KIF13A: variants seen among roughly 807,000 people sequenced by gnomAD.
The protein encoded by KIF13A is kinesin family member 13A.
In KIF13A, 79 loss-of-function variants were observed where a neutral mutation model predicts 212.2. The observed-to-expected ratio is 0.37, with a 90% CI of 0.31 to 0.45. KIF13A has a LOEUF of 0.45. Among genes scored for constraint, KIF13A ranks in the 20% least tolerant of loss-of-function variants. The pLI is 1.00. For missense variants in KIF13A, 1,901 were observed against 2,209.0 expected (o/e 0.86, Z 2.79); for synonymous variants, 789 against 808.6 (o/e 0.98, Z 0.41).
chr6:17,863,422 T>C (rs9297049), intron 4 of KIF13A, among the ~76,000 whole-genome samples: 5,205 of 150,854 alleles, frequency 0.035, 311 homozygotes, highest in African/African-American at 0.12. Context: ...AAAAACCCAA[T>C]ATAAAAAACT....
chr6:17,851,221 G>A (rs1043083286), intron 7 of KIF13A, among the ~76,000 whole-genome samples: 3 of 152,102 alleles, frequency 2.0e-5, no homozygotes, highest in South Asian at 2.1e-4. Context: ...CTCTATTTCC[G>A]ATTAGAGCAA....
In KIF13A at chr6:17,776,789, A is replaced by G. The variant is rs893959650; in HGVS notation, c.4170+488T>C. Among the ~76,000 whole-genome samples, 2 of 152,140 alleles carry G rather than the reference A, an allele frequency of 1.3e-5. No homozygotes were observed. Among genetic ancestry groups the G allele is most frequent in the African/African-American group, 4.8e-5 (2 of 41,440 alleles). ...CCCCTGCTAGGATCAGTTTCTGTCA[A>G]TTGGATTTTCTAGATTAACTGGTTG... is the stretch of plus-strand genomic sequence containing the variant. On this transcript the variant is annotated intron_variant, in intron 34 of 38. Coordinates refer to ENST00000259711, the MANE Select transcript of KIF13A (RefSeq NM_022113.6). This position sits in a 1 kb window ranked among gnomAD's most constrained non-coding sequence, Gnocchi z 4.6.
chr6:17,802,923 G>GTTTTTTTT (rs57190220), intron 20 of KIF13A, among the ~76,000 whole-genome samples: 3 of 135,710 alleles, frequency 2.2e-5, no homozygotes, highest in African/African-American at 7.8e-5. Flanking sequence ...ATTTTTTTGT[G>GTTTTTTTT]TTTTTTTTGT....
At chr6:17,931,365 A>G (rs1775970440) in intron 2 of KIF13A, among the ~76,000 whole-genome samples, 1 of 152,164 alleles carries the variant, frequency 6.6e-6, no homozygotes, top group Non-Finnish European at 1.5e-5. Flanking sequence ...AAGAGAAGTG[A>G]TGTGGCATAA....
In KIF13A at chr6:17,863,454, G is replaced by A. The variant is rs137905827; in HGVS notation, c.221-7332C>T. On this transcript the variant is annotated intron_variant, in intron 4 of 38. Transcript: ENST00000259711. The stretch of plus-strand genomic sequence containing the variant: ...AACTATATCAGCAAAACTGTGAGTG[G>A]GACAGGTTCTAGAGTTCCCCTTATT... Among the ~76,000 whole-genome samples, 187 of 151,994 alleles carry A rather than the reference G, an allele frequency of 1.2e-3. 1 individual carries two copies. The highest frequency in any genetic ancestry group is 4.2e-3 in the South Asian group (20 of 4,816).
In KIF13A at chr6:17,843,417, T is replaced by C. The variant is rs1766712218; in HGVS notation, c.831-5834A>G. ...ACAGTTCTGGCCAAGGAGATGTAGG[T>C]AAACATTACTGGGTGGGGCTTCCAA... On this transcript the variant is annotated intron_variant, in intron 9 of 38. Transcript: ENST00000259711. This position sits in a 1 kb window ranked among gnomAD's most constrained non-coding sequence, Gnocchi z 5.3. 6.6e-6 allele frequency among the ~76,000 whole-genome samples: 1 copy of C among 152,228 alleles called. No homozygotes were observed. The highest frequency in any genetic ancestry group is 2.4e-5 in the African/African-American group (1 of 41,472).
Position 17,777,174 on chromosome 6 carries a change from C to T in KIF13A, c.4170+103G>A. 1.1e-6 allele frequency: 1 copy of T among 880,526 alleles called. No homozygotes were observed. Among genetic ancestry groups the T allele is most frequent in the Non-Finnish European group, 1.9e-6 (1 of 536,592 alleles). The allele number at this position is 880,526 out of a possible 1,614,324, so 54.5% of individuals were successfully genotyped here. ...CAGGCTACACTTTGGGATGCCCACACCAGTTCCATAAGCTCTACTGCCACT... is the reference window on the plus strand; with the variant it reads ...CAGGCTACACTTTGGGATGCCCACATCAGTTCCATAAGCTCTACTGCCACT... On this transcript the variant is annotated intron_variant, in intron 34 of 38. Coordinates refer to ENST00000259711, the MANE Select transcript of KIF13A (RefSeq NM_022113.6). The surrounding 1 kb of genome is among the most constrained non-coding windows in gnomAD (Gnocchi z 4.4).
chr6:17,869,020 A>AAAAAAAAAAAAAC (rs1769736972), intron 4 of KIF13A, among the ~76,000 whole-genome samples: 1 of 124,040 alleles, frequency 8.1e-6, no homozygotes, highest in African/African-American at 2.9e-5. Flanking sequence ...AAAAAAAAAA[A>AAAAAAAAAAAAAC]CACAAATAAA....
chr6:17,775,179 T>A (rs1246878161), intron 34 of KIF13A, 117 bp from the exon 35 acceptor site: 1 of 743,172 alleles, frequency 1.3e-6, no homozygotes, highest in East Asian at 2.9e-5. Context: ...CTTCTCCTCC[T>A]CTTTCTTCCC....
chr6:17,859,776 C>T (rs1768553821), intron 4 of KIF13A, among the ~76,000 whole-genome samples: 1 of 150,996 alleles, frequency 6.6e-6, no homozygotes, highest in East Asian at 2.0e-4. Flanking sequence ...GCTGGGATTA[C>T]AGGTATGCAA....
At chr6:17,841,089 T>C (rs901765116) in intron 9 of KIF13A, among the ~76,000 whole-genome samples, 4 of 134,620 alleles carry the variant, frequency 3.0e-5, no homozygotes, top group Non-Finnish European at 6.6e-5. Flanking sequence ...CTTTTTTTTT[T>C]TTTTTTCCAA....
At position 17,773,145 on chromosome 6, in the gene KIF13A, T is replaced by A. The variant is rs1759640877; in HGVS notation, c.4324+333A>T. ...AAAAATTCCTTTGAGTACACAAATATGACAGAGCTGGATATTCTGGTAGAA... is the reference window on the plus strand; with the variant it reads ...AAAAATTCCTTTGAGTACACAAATAAGACAGAGCTGGATATTCTGGTAGAA... On this transcript the variant is annotated intron_variant, in intron 36 of 38. Coordinates refer to ENST00000259711, the MANE Select transcript of KIF13A (RefSeq NM_022113.6). This position sits in a 1 kb window ranked among gnomAD's most constrained non-coding sequence, Gnocchi z 4.2. Among the ~76,000 whole-genome samples the A allele has an allele frequency of 6.6e-6, 1 of 152,220 alleles. No individual in the cohort carries two copies. The highest frequency in any genetic ancestry group is 1.5e-5 in the Non-Finnish European group (1 of 68,032).
intron 17 of KIF13A, among the ~76,000 whole-genome samples, chr6:17,814,961 C>T (rs1026882387): frequency 6.6e-6 from 1 of 152,166 alleles, no homozygotes; most frequent in Non-Finnish European, 1.5e-5. Flanking sequence ...GGGACCACTA[C>T]CACCTAGACG....
At chr6:17,824,355 C>CT (rs779835395) in intron 16 of KIF13A, among the ~76,000 whole-genome samples, 89 of 152,352 alleles carry the variant, frequency 5.8e-4, no homozygotes, top group South Asian at 1.0e-3. Context: ...TCACCATGTG[C>CT]TTGCCTTGGC....
In KIF13A at chr6:17,849,349, C is replaced by A. The variant is rs1252312013; in HGVS notation, c.830+28G>T. 4.0e-6 allele frequency: 6 copies of A among 1,496,158 alleles called. No homozygotes were observed. The highest frequency in any genetic ancestry group is 5.6e-6 in the Non-Finnish European group (6 of 1,078,974). The allele number at this position is 1,496,158 out of a possible 1,614,324, so 92.7% of individuals were successfully genotyped here. Reference sequence around the variant, plus strand: ...AAATCCCCTCCAGAAGGAAATCACCCAGGCTGTTCTGGGACCAGCCACCTT... The same window carrying A: ...AAATCCCCTCCAGAAGGAAATCACCAAGGCTGTTCTGGGACCAGCCACCTT... On this transcript the variant is annotated intron_variant, in intron 9 of 38. Transcript: ENST00000259711. This position sits in a 1 kb window ranked among gnomAD's most constrained non-coding sequence, Gnocchi z 5.7.
chr6:17,876,125 C>T (rs1171529172), intron 3 of KIF13A, among the ~76,000 whole-genome samples: 1 of 152,194 alleles, frequency 6.6e-6, no homozygotes, highest in East Asian at 1.9e-4. Flanking sequence ...TTAGCAAATG[C>T]AGCCCAGGTG....
At chr6:17,762,115 G>T (rs76455358), downstream of KIF13A, among the ~76,000 whole-genome samples, 535 of 152,082 alleles carry the variant, frequency 3.5e-3, 2 homozygotes, top group African/African-American at 0.012. Flanking sequence ...CTGTTGTCCA[G>T]ACTGGTCTTG....
chr6:17,815,620 GT>G, intron 17 of KIF13A: 3 of 441,532 alleles, frequency 6.8e-6, no homozygotes, highest in Admixed American at 2.4e-5. Context: ...TGTATGGCTG[GT>G]TTTTCCCAGG....
At position 17,892,251 on chromosome 6, in the gene KIF13A, C is replaced by G. The variant is rs1772133380; in HGVS notation, c.159+5917G>C. 3.3e-5 allele frequency among the ~76,000 whole-genome samples: 5 copies of G among 152,230 alleles called. No homozygotes were observed. Among genetic ancestry groups the G allele is most frequent in the Admixed American group, 3.3e-4 (5 of 15,288 alleles). On this transcript the variant is annotated intron_variant, in intron 3 of 38. Coordinates refer to ENST00000259711, the MANE Select transcript of KIF13A (RefSeq NM_022113.6). This position sits in a 1 kb window ranked among gnomAD's most constrained non-coding sequence, Gnocchi z 4.7. Reference sequence around the variant, plus strand: ...ACTGTCTTCTCCTATATGCTGTTAGCATCAAAGTCCTGGTTACTTTATTTC... The same window carrying G: ...ACTGTCTTCTCCTATATGCTGTTAGGATCAAAGTCCTGGTTACTTTATTTC...
Sources: allele counts gnomAD v4.1 joint callset (sites outside exome capture counted in the v4.1 genomes callset), GRCh38; gene constraint gnomAD v4.1.1; non-coding constraint Gnocchi (gnomAD v3.1); transcripts MANE v1.5; gene names NCBI Gene and HGNC (gene_info 2026-07-23, HGNC 2026-07-21).